The following LRRC18 variants were observed in gnomAD, a reference collection of about 807,000 sequenced individuals.
The protein encoded by LRRC18 is leucine rich repeat containing 18, also known as leucine-rich repeat-containing protein 18.
LRRC18 carries 12 observed loss-of-function variants against 11.2 expected under a neutral mutation model. That is an observed-to-expected ratio of 1.07 (90% CI 0.69 to 1.74). The LOEUF is 1.74. Ranked by LOEUF, LRRC18 falls within the 40% of genes most tolerant of loss-of-function variation. LRRC18 has a pLI of 0.00. For synonymous variants in LRRC18, 155 were observed against 130.6 expected, an observed-to-expected ratio of 1.19 and a Z score of -1.27; for missense variants, 374 against 330.5, an observed-to-expected ratio of 1.13 and a Z score of -1.02.
chr10:48,910,286 G>A (rs747941653), intron 1 of LRRC18, 28 bp from the exon 4 acceptor site: 2 of 1,611,600 alleles, frequency 1.2e-6, no homozygotes, highest in African/African-American at 1.3e-5. Flanking sequence ...AGAAGGTGAG[G>A]CAATTGCTCC....
At chr10:48,938,743 A>T in the LRRC18 span, among the ~76,000 whole-genome samples, 1 of 152,184 alleles carries the variant, frequency 6.6e-6, no homozygotes, top group Non-Finnish European at 1.5e-5. Context: ...AGATTTGGTT[A>T]AAAATGAAGC....
chr10:48,938,328 T>G, the LRRC18 span, among the ~76,000 whole-genome samples: 1 of 152,370 alleles, frequency 6.6e-6, no homozygotes, highest in South Asian at 2.1e-4. Context: ...AGCCTCCTAG[T>G]GCCAGGTGAA....
chr10:48,916,283 A>G (rs548573389), upstream of LRRC18, among the ~76,000 whole-genome samples: 25 of 152,342 alleles, frequency 1.6e-4, no homozygotes, highest in East Asian at 2.7e-3. Flanking sequence ...CTGATTTCCA[A>G]CAAGAGCCTC....
At chr10:48,931,659 T>C in the LRRC18 span, among the ~76,000 whole-genome samples, 1 of 152,222 alleles carries the variant, frequency 6.6e-6, no homozygotes, top group Non-Finnish European at 1.5e-5. Context: ...TTGGGCTCAT[T>C]GCTTGCATGG....
the LRRC18 span, among the ~76,000 whole-genome samples, chr10:48,933,341 C>T: frequency 1.3e-5 from 2 of 152,356 alleles, no homozygotes; most frequent in Admixed American, 1.3e-4. Context: ...AGATGAAACA[C>T]CCAGGGCCTA....
intron 1 of LRRC18, among the ~76,000 whole-genome samples, chr10:48,911,543 G>A (rs2133475854): frequency 6.6e-6 from 1 of 152,290 alleles, no homozygotes; most frequent in Non-Finnish European, 1.5e-5. Context: ...GTAACTTATA[G>A]TTATGTATAT....
chr10:48,922,770 A>G, the LRRC18 span, among the ~76,000 whole-genome samples: 2 of 152,196 alleles, frequency 1.3e-5, no homozygotes, highest in South Asian at 2.1e-4. Flanking sequence ...CATTTTGCCT[A>G]ATAAAAAAAT....
chr10:48,922,620 CAT>C, the LRRC18 span, among the ~76,000 whole-genome samples: 1 of 152,108 alleles, frequency 6.6e-6, no homozygotes, highest in East Asian at 1.9e-4. Flanking sequence ...ATAGGAAAAA[CAT>C]AGTGTACTAT....
upstream of LRRC18, chr10:48,914,315 T>C (rs920233971): frequency 1.3e-5 from 10 of 778,438 alleles, no homozygotes; most frequent in African/African-American, 1.6e-4. Flanking sequence ...TGCTCTTCAG[T>C]GGTTTAAAAA....
upstream of LRRC18, among the ~76,000 whole-genome samples, chr10:48,916,164 G>A (rs1838510390): frequency 6.6e-6 from 1 of 152,154 alleles, no homozygotes; most frequent in Non-Finnish European, 1.5e-5. Context: ...GACCAATCTG[G>A]CCACAAGTTT....
At chr10:48,914,010 A>G (rs1181964947) in exon 1 of LRRC18, 1 of 1,614,188 alleles carries the variant, frequency 6.2e-7, no homozygotes, top group Admixed American at 1.7e-5. Context: ...CATGTCACTA[A>G]GGCGCAGAAT....
the LRRC18 span, among the ~76,000 whole-genome samples, chr10:48,928,116 T>C: frequency 6.6e-6 from 1 of 152,088 alleles, no homozygotes; most frequent in Non-Finnish European, 1.5e-5. Flanking sequence ...TCCTCACAGC[T>C]CCTCTCCTCC....
chr10:48,913,850 G>A (rs747681722), exon 1 of LRRC18: 15 of 1,614,008 alleles, frequency 9.3e-6, no homozygotes, highest in African/African-American at 8.0e-5. Flanking sequence ...TGTTGCTGAC[G>A]TTGAGGTAGA....
At chr10:48,939,281 G>A in the LRRC18 span, among the ~76,000 whole-genome samples, 2 of 152,200 alleles carry the variant, frequency 1.3e-5, no homozygotes, top group Non-Finnish European at 2.9e-5. Flanking sequence ...CCAGGACCAC[G>A]CCTGTTGAGT....
the LRRC18 span, among the ~76,000 whole-genome samples, chr10:48,924,207 C>T: frequency 6.6e-6 from 1 of 152,198 alleles, no homozygotes; most frequent in Non-Finnish European, 1.5e-5. Context: ...CCTTTCTGCG[C>T]TTCTCCCTGG....
At chr10:48,929,567 G>T in the LRRC18 span, among the ~76,000 whole-genome samples, 1 of 152,162 alleles carries the variant, frequency 6.6e-6, no homozygotes, top group Non-Finnish European at 1.5e-5. Context: ...TATTGTGCTG[G>T]TCTACACTCA....
chr10:48,928,326 C>T, the LRRC18 span, among the ~76,000 whole-genome samples: 1 of 148,050 alleles, frequency 6.8e-6, no homozygotes, highest in Admixed American at 6.8e-5. Flanking sequence ...GAGGGCAATG[C>T]GTGGCCCTTG....
At chr10:48,933,223 C>T in the LRRC18 span, among the ~76,000 whole-genome samples, 3 of 152,170 alleles carry the variant, frequency 2.0e-5, no homozygotes, top group Non-Finnish European at 4.4e-5. Flanking sequence ...CAGGCTGGAA[C>T]TGCTAGAGGG....
At chr10:48,913,241 C>A in intron 1 of LRRC18, 151 bp downstream of exon 3, 1 of 739,400 alleles carries the variant, frequency 1.4e-6, no homozygotes, top group Non-Finnish European at 2.3e-6. Flanking sequence ...CACAATCACA[C>A]GCCGAGAAAG....
Sources: allele counts gnomAD v4.1 joint callset (sites outside exome capture counted in the v4.1 genomes callset), GRCh38; gene constraint gnomAD v4.1.1; transcripts MANE v1.5; gene names NCBI Gene and HGNC (gene_info 2026-07-23, HGNC 2026-07-21).